MAML3: variants seen among roughly 807,000 people sequenced by gnomAD.
MAML3 encodes the protein mastermind like transcriptional coactivator 3.
Under a neutral mutation model 101.9 loss-of-function variants are expected in MAML3, and 27 were observed. The ratio of observed to expected loss-of-function variants is 0.27; its 90% confidence interval spans 0.20 to 0.37. The LOEUF (loss-of-function observed/expected upper bound fraction) is 0.37, where lower values mean the gene tolerates loss of function less well. Ranked by LOEUF, MAML3 falls within the 10% of genes least tolerant of loss-of-function variation. The probability of loss-of-function intolerance (pLI) is 1.00; values close to 1 mark genes in which losing one functional copy is unlikely to be tolerated. For synonymous variants in MAML3, 501 were observed against 555.9 expected (o/e 0.90, Z 1.39); for missense variants, 1,316 against 1,444.9 (o/e 0.91, Z 1.45).
At chr4:140,050,390 A>G (rs1351155461) in intron 1 of MAML3, among the ~76,000 whole-genome samples, 1 of 151,874 alleles carries the variant, frequency 6.6e-6, no homozygotes, top group Non-Finnish European at 1.5e-5. Flanking sequence ...GGTGCCCTAG[A>G]GACAAAGCCC....
intron 2 of MAML3, among the ~76,000 whole-genome samples, chr4:139,823,085 ACT>A (rs1183587410): frequency 1.3e-5 from 2 of 152,260 alleles, no homozygotes; most frequent in Non-Finnish European, 2.9e-5. Context: ...TTGGAATATC[ACT>A]GAGTGTTAAA....
intron 2 of MAML3, among the ~76,000 whole-genome samples, chr4:139,746,720 C>T (rs1729335408): frequency 6.6e-6 from 1 of 152,166 alleles, no homozygotes; most frequent in Non-Finnish European, 1.5e-5. Context: ...TTCACCTCCC[C>T]CCTTCTCCTC....
At chr4:139,905,236 T>TAATCCCAGCAC (rs1056903095) in intron 1 of MAML3, among the ~76,000 whole-genome samples, 3 of 152,200 alleles carry the variant, frequency 2.0e-5, no homozygotes, top group African/African-American at 7.2e-5. Context: ...CTCACGCCTA[T>TAATCCCAGCAC]AATCCCAGCA....
chr4:139,974,900 C>G (rs1430324186), intron 1 of MAML3, among the ~76,000 whole-genome samples: 2 of 151,878 alleles, frequency 1.3e-5, no homozygotes, highest in Admixed American at 6.6e-5. Context: ...TCACTGTTTA[C>G]TAAGAGTGCA....
chr4:139,826,821 C>T (rs900714687), intron 2 of MAML3, among the ~76,000 whole-genome samples: 7 of 152,070 alleles, frequency 4.6e-5, no homozygotes, highest in Non-Finnish European at 7.4e-5. Flanking sequence ...CAGACACATA[C>T]GGCACCATCA....
chr4:139,843,213 G>A (rs1218007701), intron 2 of MAML3, among the ~76,000 whole-genome samples: 1 of 152,042 alleles, frequency 6.6e-6, no homozygotes, highest in Non-Finnish European at 1.5e-5. Flanking sequence ...CCTGATAATG[G>A]GGCTTTGGCA....
intron 1 of MAML3, among the ~76,000 whole-genome samples, chr4:139,983,046 C>T (rs1052606649): frequency 1.3e-5 from 2 of 152,172 alleles, no homozygotes; most frequent in African/African-American, 4.8e-5. Flanking sequence ...TTCATCTATT[C>T]GTGATAGTTA....
chr4:139,747,024 T>A (rs1729348488), intron 2 of MAML3, among the ~76,000 whole-genome samples: 1 of 152,184 alleles, frequency 6.6e-6, no homozygotes, highest in Non-Finnish European at 1.5e-5. Context: ...CTTCTCACTG[T>A]TCCTGTGTTT....
intron 3 of MAML3, among the ~76,000 whole-genome samples, chr4:139,727,453 G>T (rs1398734336): frequency 6.6e-6 from 1 of 152,162 alleles, no homozygotes; most frequent in East Asian, 1.9e-4. Flanking sequence ...GGCAGCCTGT[G>T]GGGGACTGAG....
chr4:140,043,366 T>C (rs1453708003), intron 1 of MAML3, among the ~76,000 whole-genome samples: 1 of 152,216 alleles, frequency 6.6e-6, no homozygotes, highest in East Asian at 1.9e-4. Context: ...AAGAATGTGC[T>C]GTTTTGAAAG....
chr4:139,935,280 C>T (rs912069234), intron 1 of MAML3, among the ~76,000 whole-genome samples: 1 of 148,878 alleles, frequency 6.7e-6, no homozygotes, highest in Non-Finnish European at 1.5e-5. Context: ...TGACTCATAA[C>T]AATCCATCAG....
intron 1 of MAML3, among the ~76,000 whole-genome samples, chr4:139,928,572 A>C (rs1733315181): frequency 6.6e-6 from 1 of 152,184 alleles, no homozygotes; most frequent in African/African-American, 2.4e-5. Context: ...GGATCTGTAA[A>C]GATTAGGGGA....
At chr4:139,737,790 G>A (rs539605115) in intron 2 of MAML3, among the ~76,000 whole-genome samples, 1 of 152,252 alleles carries the variant, frequency 6.6e-6, no homozygotes, top group East Asian at 1.9e-4. Context: ...GGTTTGGAGA[G>A]GTGTTTACAA....
chr4:139,777,333 A>T (rs1214339023), intron 2 of MAML3, among the ~76,000 whole-genome samples: 1 of 152,078 alleles, frequency 6.6e-6, no homozygotes, highest in Non-Finnish European at 1.5e-5. Context: ...AATCATTCAC[A>T]TTTCCTTCCC....
chr4:139,953,112 T>G (rs766562944), intron 1 of MAML3, among the ~76,000 whole-genome samples: 14 of 152,192 alleles, frequency 9.2e-5, no homozygotes, highest in Non-Finnish European at 1.5e-4. Flanking sequence ...GGTATGCTAT[T>G]ATTTGGGTTT....
At chr4:139,845,136 G>A (rs1158626085) in intron 2 of MAML3, among the ~76,000 whole-genome samples, 1 of 152,124 alleles carries the variant, frequency 6.6e-6, no homozygotes, top group East Asian at 1.9e-4. Flanking sequence ...ATCTAATCCT[G>A]AGGGTAGGTA....
chr4:140,120,029 A>T (rs56411900), intron 1 of MAML3, among the ~76,000 whole-genome samples: 32,891 of 151,800 alleles, frequency 0.22, 4,204 homozygotes, highest in East Asian at 0.31. Flanking sequence ...CGAGGTCAGG[A>T]GATCGAGACC....
intron 1 of MAML3, among the ~76,000 whole-genome samples, chr4:140,086,964 G>A (rs11100480): frequency 0.93 from 141,990 of 152,242 alleles, 66,957 homozygotes; most frequent in East Asian, 1. Context: ...GTTCGAGACC[G>A]GCATGGCCAA....
At chr4:139,903,633 T>G (rs973488106) in intron 1 of MAML3, among the ~76,000 whole-genome samples, 5 of 152,190 alleles carry the variant, frequency 3.3e-5, no homozygotes, top group Non-Finnish European at 7.3e-5. Context: ...TTACAGAGGT[T>G]AAGTTAAAAT....
Sources: allele counts gnomAD v4.1 joint callset (sites outside exome capture counted in the v4.1 genomes callset), GRCh38; gene constraint gnomAD v4.1.1; transcripts MANE v1.5; gene names NCBI Gene and HGNC (gene_info 2026-07-23, HGNC 2026-07-21).